The following FAM174A variants were observed in gnomAD, a reference collection of about 807,000 sequenced individuals.
FAM174A encodes the protein family with sequence similarity 174 member A.
A neutral mutation model predicts 14.3 loss-of-function variants in FAM174A; 14 were observed. The ratio of observed to expected loss-of-function variants is 0.98; its 90% CI spans 0.65 to 1.53. The LOEUF is 1.53. FAM174A is among the 40% of genes most tolerant of loss of function. The probability of loss-of-function intolerance (pLI) is 0.00; values close to 1 mark genes in which losing one functional copy is unlikely to be tolerated. For missense variants in FAM174A, 241 were observed against 249.6 expected (o/e 0.97, Z 0.23); for synonymous variants, 108 against 111.4 (o/e 0.97, Z 0.19).
At chr5:100,554,248 T>C (rs1032265801) in intron 1 of FAM174A, among the ~76,000 whole-genome samples, 1 of 151,846 alleles carries the variant, frequency 6.6e-6, no homozygotes, top group African/African-American at 2.4e-5. Context: ...TGCATGCAGA[T>C]ATCATTAAAT....
At chr5:100,570,488 C>G (rs975776258) in intron 2 of FAM174A, among the ~76,000 whole-genome samples, 1 of 151,914 alleles carries the variant, frequency 6.6e-6, no homozygotes, top group Middle Eastern at 3.4e-3. Flanking sequence ...ATGTTTAATA[C>G]CATTTTCCCC....
chr5:100,562,468 T>G lies in FAM174A; in HGVS notation c.569+280T>G, dbSNP rs149270740. Among the ~76,000 whole-genome samples, 207 of 151,992 alleles carry G rather than the reference T, an allele frequency of 1.4e-3. 3 individuals are homozygous for G. In the East Asian group the frequency reaches 0.035, roughly 26 times the overall value. On this transcript the variant is annotated intron_variant, in intron 2 of 2. Coordinates refer to ENST00000312637, the MANE Select transcript of FAM174A (RefSeq NM_198507.3). ...GTTCAGGGGTACAAGTGCAGGGTCG[T>G]TACATAGGTAAACTTGTGTCATGTG...
chr5:100,577,951 T>C lies in FAM174A; in HGVS notation c.570-8230T>C, dbSNP rs180976755. Among the ~76,000 whole-genome samples, 29 of 152,262 alleles carry C rather than the reference T, an allele frequency of 1.9e-4. No homozygotes were observed. In the East Asian group the frequency reaches 3.7e-3, roughly 19 times the overall value. On this transcript the variant is annotated intron_variant, in intron 2 of 2. Coordinates refer to ENST00000312637, the MANE Select transcript of FAM174A (RefSeq NM_198507.3). The stretch of plus-strand genomic sequence containing the variant: ...ATGGATTCTAAGGCATTATTATTTA[T>C]GAATAGCAGTTTCATAGAGAAAGAA...
At chr5:100,575,612 A>G (rs1485601885) in intron 2 of FAM174A, among the ~76,000 whole-genome samples, 1 of 152,198 alleles carries the variant, frequency 6.6e-6, no homozygotes, top group Non-Finnish European at 1.5e-5. Flanking sequence ...ACCATTCAGG[A>G]CATAGGCATG....
At chr5:100,577,206 T>C (rs1253535789) in intron 2 of FAM174A, among the ~76,000 whole-genome samples, 1 of 152,074 alleles carries the variant, frequency 6.6e-6, no homozygotes, top group East Asian at 1.9e-4. Context: ...GTATCCATAA[T>C]AAAAATAATT....
At position 100,586,206 on chromosome 5, in the gene FAM174A, A is replaced by G; in HGVS notation, c.*22A>G. On this transcript the variant is annotated 3_prime_UTR_variant, in exon 3 of 3. Coordinates refer to ENST00000312637, the MANE Select transcript of FAM174A (RefSeq NM_198507.3). ...ATAAGAATGTGCCTTTTGATGAAAGAACTTTATCTTTCTACAATGAAGAGT... is the reference window on the plus strand; with the variant it reads ...ATAAGAATGTGCCTTTTGATGAAAGGACTTTATCTTTCTACAATGAAGAGT... The G allele has an allele frequency of 7.1e-7, 1 of 1,412,604 alleles. No homozygotes were observed. The highest frequency in any genetic ancestry group is 9.7e-7 in the Non-Finnish European group (1 of 1,026,636). The allele number at this position is 1,412,604 out of a possible 1,614,324, so 87.5% of individuals were successfully genotyped here.
intron 2 of FAM174A, 38 bp downstream of exon 2, chr5:100,562,226 G>T: frequency 6.5e-7 from 1 of 1,538,446 alleles, no homozygotes; most frequent in Non-Finnish European, 8.7e-7. Context: ...GAATCAGGAA[G>T]CAAGTCCTTG....
At chr5:100,573,370 G>GT (rs1258876202) in intron 2 of FAM174A, among the ~76,000 whole-genome samples, 29 of 149,512 alleles carry the variant, frequency 1.9e-4, no homozygotes, top group Non-Finnish European at 3.7e-4. Flanking sequence ...TTCTTCTAGG[G>GT]TTTTTATGGT....
chr5:100,552,420 G>A (rs1191439159), intron 1 of FAM174A, among the ~76,000 whole-genome samples: 1 of 151,532 alleles, frequency 6.6e-6, no homozygotes, highest in Non-Finnish European at 1.5e-5. Context: ...GTCTAGCTTT[G>A]AATGTGCTAT....
chr5:100,554,327 T>G (rs1274016407), intron 1 of FAM174A, among the ~76,000 whole-genome samples: 1 of 144,842 alleles, frequency 6.9e-6, no homozygotes, highest in Admixed American at 6.9e-5. Context: ...TTTTTTTTTT[T>G]TTTTTTGAGA....
intron 1 of FAM174A, among the ~76,000 whole-genome samples, chr5:100,544,519 T>C (rs953981154): frequency 2.6e-5 from 4 of 152,008 alleles, no homozygotes; most frequent in African/African-American, 9.7e-5. Context: ...AAAGAAATAA[T>C]GTATGTGAAA....
chr5:100,566,141 G>GATAGAGAT (rs558236562), intron 2 of FAM174A, among the ~76,000 whole-genome samples: 2 of 81,810 alleles, frequency 2.4e-5, no homozygotes, highest in Non-Finnish European at 4.9e-5. Context: ...TGAAAAGTAT[G>GATAGAGAT]ATATATATAT....
At chr5:100,546,389 G>A (rs1282114927) in intron 1 of FAM174A, among the ~76,000 whole-genome samples, 2 of 152,078 alleles carry the variant, frequency 1.3e-5, no homozygotes, top group Non-Finnish European at 2.9e-5. Context: ...TGTGTGGGGA[G>A]GCAGGGGGAG....
intron 1 of FAM174A, among the ~76,000 whole-genome samples, chr5:100,551,893 C>A (rs888167678): frequency 6.6e-6 from 1 of 152,124 alleles, no homozygotes; most frequent in Non-Finnish European, 1.5e-5. Flanking sequence ...GAGGGCCTAC[C>A]TTAATGATCT....
At chr5:100,571,287 G>A (rs111798858) in intron 2 of FAM174A, among the ~76,000 whole-genome samples, 3 of 151,680 alleles carry the variant, frequency 2.0e-5, no homozygotes, top group African/African-American at 7.2e-5. Context: ...GTGTAACACT[G>A]CCATTATTTC....
At chr5:100,581,954 A>T (rs138338521) in intron 2 of FAM174A, among the ~76,000 whole-genome samples, 5 of 152,198 alleles carry the variant, frequency 3.3e-5, no homozygotes, top group African/African-American at 1.2e-4. Flanking sequence ...CTGAAACCAT[A>T]TCTTAAGAGA....
intron 1 of FAM174A, among the ~76,000 whole-genome samples, chr5:100,555,433 G>A (rs34462099): frequency 4.0e-5 from 6 of 151,884 alleles, no homozygotes; most frequent in African/African-American, 7.3e-5. Flanking sequence ...TAGTCCTTTG[G>A]GTATATACCC....
At position 100,553,138 on chromosome 5, in the gene FAM174A, A is replaced by G. The variant is rs192894996; in HGVS notation, c.435-8916A>G. Among the ~76,000 whole-genome samples the G allele has an allele frequency of 1.1e-4, 17 of 152,210 alleles. No individual in the cohort carries two copies. The East Asian group carries it at 3.3e-3, about 29-fold the overall frequency. ...GAGTTTGAGTGTCATGAGCCTAATG[A>G]CATTCATTTGTAAGAAAAGAACTCT... On this transcript the variant is annotated intron_variant, in intron 1 of 2. Transcript: ENST00000312637.
At position 100,535,897 on chromosome 5, in the gene FAM174A, C is replaced by G. The variant is rs773432657; in HGVS notation, c.367C>G (p.Arg123Gly). 2 of 1,612,212 alleles carry G rather than the reference C, an allele frequency of 1.2e-6. No homozygotes were observed. Among genetic ancestry groups the G allele is most frequent in the Admixed American group, 1.7e-5 (1 of 59,952 alleles). ...CCCTGGCGACAAGCCCATGACCCAG[C>G]GGGCCCTGACCGTGTTGATGGTGGT... The part of the protein sequence containing the change: ...PNPGDKPMTQ[R>G]ALTVLMVVSG... The change falls in exon 1 of 3, where the codon CGG (arginine) becomes GGG (glycine). Residue 123 changes from arginine (R) to glycine (G), a missense_variant. Arg to Gly is a moderately radical substitution (Grantham distance 125). Coordinates refer to ENST00000312637, the MANE Select transcript of FAM174A (RefSeq NM_198507.3).
Sources: gnomAD v4.1 joint callset for allele counts (sites outside exome capture counted in the v4.1 genomes callset) on GRCh38, gnomAD v4.1.1 for gene constraint, MANE v1.5 for transcripts, NCBI Gene and HGNC (gene_info 2026-07-23, HGNC 2026-07-21) for gene names.